SIPA1L3: variants seen among roughly 807,000 people sequenced by gnomAD.
SIPA1L3 encodes the protein signal induced proliferation associated 1 like 3.
In SIPA1L3, 59 loss-of-function variants were observed where a neutral mutation model predicts 150.1. The ratio of observed to expected loss-of-function variants is 0.39; its 90% CI spans 0.32 to 0.49. SIPA1L3 has a LOEUF of 0.49. Ranked by LOEUF, SIPA1L3 falls within the 20% of genes least tolerant of loss-of-function variation. The probability of loss-of-function intolerance (pLI) is 0.86; values close to 1 mark genes in which losing one functional copy is unlikely to be tolerated. For synonymous variants in SIPA1L3, 1,070 were observed against 1,077.6 expected (o/e 0.99, Z 0.14); for missense variants, 2,211 against 2,489.5 (o/e 0.89, Z 2.38).
At chr19:38,141,548 C>A in intron 11 of SIPA1L3, 113 bp downstream of exon 11, 1 of 1,162,022 alleles carries the variant, frequency 8.6e-7, no homozygotes, top group Non-Finnish European at 1.2e-6. Flanking sequence ...CTCAAGCTTT[C>A]GACCTTCCTT....
At chr19:38,198,632 G>T (rs566044323) in intron 19 of SIPA1L3, 100 bp downstream of exon 19, 192 of 1,197,906 alleles carry the variant, frequency 1.6e-4, no homozygotes, top group Non-Finnish European at 1.9e-4. Flanking sequence ...ACCCACTCAG[G>T]TTCCAGAATC....
At chr19:38,141,161 A>G (rs1971571450) in intron 10 of SIPA1L3, 23 bp from the exon 11 acceptor site, 1 of 1,550,520 alleles carries the variant, frequency 6.4e-7, no homozygotes, top group South Asian at 1.2e-5. Context: ...GGCCTTTCTG[A>G]GTAATGCAGT....
chr19:38,049,436 C>T (rs1225096820), intron 2 of SIPA1L3, among the ~76,000 whole-genome samples: 2 of 152,192 alleles, frequency 1.3e-5, no homozygotes, highest in East Asian at 1.9e-4. Context: ...CAGTGTATGG[C>T]GTCTGGCAGC....
At chr19:38,075,801 GA>G (rs1460251465) in intron 2 of SIPA1L3, among the ~76,000 whole-genome samples, 1 of 150,480 alleles carries the variant, frequency 6.6e-6, no homozygotes, top group African/African-American at 2.4e-5. Flanking sequence ...AAACAGAAAA[GA>G]AAAGATCTTG....
Position 38,119,847 on chromosome 19 carries a change from G to C in SIPA1L3, c.2833G>C (p.Val945Leu). Residue 945 changes from valine (V) to leucine (L), a missense_variant, in exon 9 of 22, where the codon GTG becomes CTG. Physicochemically the swap from Val to Leu is conservative, Grantham distance 32. Coordinates refer to ENST00000222345, the MANE Select transcript of SIPA1L3 (RefSeq NM_015073.3). Reference protein sequence around the residue: ...HIFLQATEGSVEDIREIVQRL... With the variant: ...HIFLQATEGSLEDIREIVQRL... ...CTTCCTACAGGCGACAGAGGGTTCT[G>C]TGGAGGACATAAGGGAGATAGTGCA... The C allele has an allele frequency of 6.2e-7, 1 of 1,612,666 alleles. No individual in the cohort carries two copies. Among genetic ancestry groups the C allele is most frequent in the Non-Finnish European group, 8.5e-7 (1 of 1,179,850 alleles).
Position 38,073,585 on chromosome 19 carries a change from G to A in SIPA1L3, c.-310-7671G>A, listed in dbSNP as rs75723071. On this transcript the variant is annotated intron_variant, in intron 2 of 21. Transcript: ENST00000222345. ...CGTGTGTCACTCGGGGTCCTCTGATGCCAGCAGCAGAAGCCACGCTTGGCA... is the reference window on the plus strand; with the variant it reads ...CGTGTGTCACTCGGGGTCCTCTGATACCAGCAGCAGAAGCCACGCTTGGCA... Among the ~76,000 whole-genome samples, 357 of 152,274 alleles carry A rather than the reference G, an allele frequency of 2.3e-3. 7 individuals carry two copies. The East Asian group carries it at 0.033, about 14-fold the overall frequency.
At chr19:37,977,165 A>T (rs1967095844) in intron 1 of SIPA1L3, among the ~76,000 whole-genome samples, 1 of 151,704 alleles carries the variant, frequency 6.6e-6, no homozygotes, top group Non-Finnish European at 1.5e-5. Flanking sequence ...TTATTTTATT[A>T]AAAAAAATTT....
intron 3 of SIPA1L3, among the ~76,000 whole-genome samples, chr19:38,084,272 A>G (rs1970073559): frequency 6.6e-6 from 1 of 151,948 alleles, no homozygotes; most frequent in South Asian, 2.1e-4. Context: ...TGTCAAGTCA[A>G]CCCCCTTATG....
At position 38,065,987 on chromosome 19, in the gene SIPA1L3, C is replaced by CTTATTTATTTAT. The variant is rs56249728; in HGVS notation, c.-310-15238_-310-15227dup. Among the ~76,000 whole-genome samples the CTTATTTATTTAT allele has an allele frequency of 1.3e-3, 156 of 121,354 alleles. 2 individuals are homozygous for CTTATTTATTTAT. Among genetic ancestry groups the CTTATTTATTTAT allele is most frequent in the South Asian group, 2.9e-3 (11 of 3,826 alleles). The allele number at this position is 121,354 out of a possible 152,430, so 79.6% of individuals were successfully genotyped here. Reference sequence around the variant, plus strand: ...TTGCTCTGTTGCCCGGGCTTGATCTCTTATTTATTTATTTATTTATTTATT... The same window carrying CTTATTTATTTAT: ...TTGCTCTGTTGCCCGGGCTTGATCTCTTATTTATTTATTTATTTATTTATTTATTTATTTATT... On this transcript the variant is annotated intron_variant, in intron 2 of 21. Transcript: ENST00000222345.
intron 9 of SIPA1L3, among the ~76,000 whole-genome samples, chr19:38,129,402 G>C (rs1275264807): frequency 6.6e-6 from 1 of 151,786 alleles, no homozygotes; most frequent in Non-Finnish European, 1.5e-5. Context: ...GAGGCGGGCA[G>C]ATCATGAGGT....
intron 1 of SIPA1L3, among the ~76,000 whole-genome samples, chr19:38,007,778 A>T (rs1021530524): frequency 2.0e-5 from 3 of 152,062 alleles, no homozygotes; most frequent in Non-Finnish European, 2.9e-5. Context: ...TGCATGTATG[A>T]TTTAGTTACT....
chr19:38,124,508 A>G (rs1971122703), intron 9 of SIPA1L3, among the ~76,000 whole-genome samples: 1 of 147,600 alleles, frequency 6.8e-6, no homozygotes, highest in African/African-American at 2.5e-5. Flanking sequence ...GACGCTCCTC[A>G]CTTTCCAGAC....
chr19:38,031,839 A>C (rs1261951562), intron 2 of SIPA1L3, among the ~76,000 whole-genome samples: 2 of 152,176 alleles, frequency 1.3e-5, no homozygotes, highest in Non-Finnish European at 2.9e-5. Flanking sequence ...AGTCCCAGCT[A>C]CTCAGGAGGT....
chr19:38,021,096 C>T lies in SIPA1L3; in HGVS notation c.-378-7993C>T, dbSNP rs145197110. Among the ~76,000 whole-genome samples, 23 of 152,238 alleles carry T rather than the reference C, an allele frequency of 1.5e-4. 1 individual carries two copies. The East Asian group carries it at 4.5e-3, about 30-fold the overall frequency. On this transcript the variant is annotated intron_variant, in intron 1 of 21. Coordinates refer to ENST00000222345, the MANE Select transcript of SIPA1L3 (RefSeq NM_015073.3). The stretch of plus-strand genomic sequence containing the variant: ...GATTACAGGCGTGAGCCACCGTGCC[C>T]GGCTTTTAGCTGAGTCTTTCTGAGA...
chr19:38,162,757 C>T (rs1381668549), intron 14 of SIPA1L3, among the ~76,000 whole-genome samples: 1 of 152,204 alleles, frequency 6.6e-6, no homozygotes, highest in Non-Finnish European at 1.5e-5. Flanking sequence ...AGAGCCCAGG[C>T]TCCCTCCCTC....
chr19:38,116,543 AAAG>A lies in SIPA1L3; in HGVS notation c.2292-2760_2292-2758del, dbSNP rs962835485. Among the ~76,000 whole-genome samples, 129 of 135,780 alleles carry A rather than the reference AAAG, an allele frequency of 9.5e-4. 3 individuals carry two copies. Among genetic ancestry groups the A allele is most frequent in the Middle Eastern group, 3.8e-3 (1 of 260 alleles). 89.1% of individuals were successfully genotyped at this position (135,780 alleles called of 152,430 possible). A position where few individuals can be genotyped will look rare whatever the true frequency, so the allele number is the denominator to read the frequency against. ...TCTGTCTCAAAAAAAAAAAAAAAAG[AAAG>A]AAAGAAAAGAAAAAGAACAGGCTGG... is the stretch of plus-strand genomic sequence containing the variant. On this transcript the variant is annotated intron_variant, in intron 8 of 21. Transcript: ENST00000222345.
At chr19:38,191,876 G>A (rs765757769) in intron 16 of SIPA1L3, among the ~76,000 whole-genome samples, 22 of 152,184 alleles carry the variant, frequency 1.4e-4, no homozygotes, top group Non-Finnish European at 2.5e-4. Flanking sequence ...TTCAGCGTGG[G>A]CCTCCCCCAC....
chr19:37,914,744 A>T (rs1380763883), intron 1 of SIPA1L3, among the ~76,000 whole-genome samples: 2 of 152,178 alleles, frequency 1.3e-5, no homozygotes, highest in Middle Eastern at 3.4e-3. Context: ...GGCTCAGGTG[A>T]TCCTCCACCC....
In SIPA1L3 at chr19:38,119,280, C is replaced by T. The variant is rs1019157430; in HGVS notation, c.2292-26C>T. On this transcript the variant is annotated intron_variant, in intron 8 of 21. Coordinates refer to ENST00000222345, the MANE Select transcript of SIPA1L3 (RefSeq NM_015073.3). ...AGTGTCTTAGTGCCTTTCTTCCCAC[C>T]ATCTAAATAATCTCTCCCTCCACAG... is the stretch of plus-strand genomic sequence containing the variant. 3.8e-6 allele frequency: 6 copies of T among 1,580,612 alleles called. No homozygotes were observed. The African/African-American group carries it at 4.1e-5, about 11-fold the overall frequency.
Sources: gnomAD v4.1 joint callset for allele counts (sites outside exome capture counted in the v4.1 genomes callset) on GRCh38, gnomAD v4.1.1 for gene constraint, MANE v1.5 for transcripts, NCBI Gene and HGNC (gene_info 2026-07-23, HGNC 2026-07-21) for gene names.